The following FOXP1 variants were observed in gnomAD, a reference collection of about 807,000 sequenced individuals.
FOXP1 encodes the protein forkhead box P1.
In FOXP1, 15 loss-of-function variants were observed where a neutral mutation model predicts 98.2. That is an observed-to-expected ratio of 0.15 (90% CI 0.10 to 0.24). The LOEUF is 0.24. FOXP1 is among the 10% of genes least tolerant of loss of function. The pLI, the probability that FOXP1 is intolerant of heterozygous loss-of-function variation, is 1.00. For missense variants in FOXP1, 633 were observed against 848.5 expected, an observed-to-expected ratio of 0.75 and a Z score of 3.15; for synonymous variants, 371 against 314.5, an observed-to-expected ratio of 1.18 and a Z score of -1.90.
chr3:71,384,381 GAA>G (rs1186420063), intron 3 of FOXP1, among the ~76,000 whole-genome samples: 1 of 152,172 alleles, frequency 6.6e-6, no homozygotes, highest in African/African-American at 2.4e-5. Context: ...AACTCTGAGA[GAA>G]GAGAGAAAAG....
intron 19 of FOXP1, 90 bp downstream of exon 19, chr3:70,970,646 A>C (rs139128497): frequency 6.5e-6 from 7 of 1,077,446 alleles, no homozygotes; most frequent in African/African-American, 1.6e-5. Flanking sequence ...TTAAAATTTA[A>C]TATCTAATTA....
intron 7 of FOXP1, chr3:71,065,773 A>C (rs2052407077): frequency 6.6e-6 from 1 of 152,248 alleles, no homozygotes; most frequent in South Asian, 2.1e-4. Flanking sequence ...TAAGCACTTT[A>C]GGATGACCTT....
chr3:71,045,990 C>A (rs1161616090), intron 10 of FOXP1, among the ~76,000 whole-genome samples: 1 of 152,188 alleles, frequency 6.6e-6, no homozygotes, highest in Non-Finnish European at 1.5e-5. Context: ...GGAGGCAACT[C>A]AAATCTGCCC....
At chr3:71,579,918 A>G (rs979941199) in intron 2 of FOXP1, among the ~76,000 whole-genome samples, 3 of 152,124 alleles carry the variant, frequency 2.0e-5, no homozygotes, top group Non-Finnish European at 4.4e-5. Flanking sequence ...TCCATAAGGA[A>G]CTCAAATGCT....
intron 6 of FOXP1, among the ~76,000 whole-genome samples, chr3:71,147,085 T>C (rs559507003): frequency 6.6e-6 from 1 of 152,346 alleles, no homozygotes; most frequent in African/African-American, 2.4e-5. Flanking sequence ...ATCTGTGCCC[T>C]ACCTCTAACT....
intron 4 of FOXP1, among the ~76,000 whole-genome samples, chr3:71,318,052 A>G (rs930229075): frequency 1.8e-4 from 27 of 152,038 alleles, no homozygotes; most frequent in African/African-American, 6.0e-4. Flanking sequence ...TTATACACAC[A>G]CTTTATATAA....
chr3:71,071,806 C>T (rs894529216), intron 7 of FOXP1, among the ~76,000 whole-genome samples: 3 of 152,076 alleles, frequency 2.0e-5, no homozygotes, highest in Non-Finnish European at 4.4e-5. Flanking sequence ...ACTCCCGACA[C>T]CTCAGGTGAT....
At chr3:71,268,646 T>A (rs190061828) in intron 5 of FOXP1, among the ~76,000 whole-genome samples, 1 of 152,180 alleles carries the variant, frequency 6.6e-6, no homozygotes. Context: ...AAATGAGAGA[T>A]GTAATCTTAC....
rs2032397354 is a variant in FOXP1, at chr3:70,958,500, A to C, written c.*747T>G. 1 of 384,118 alleles carries C rather than the reference A, an allele frequency of 2.6e-6. No homozygotes were observed. The highest frequency in any genetic ancestry group is 2.0e-5 in the African/African-American group (1 of 49,526). 23.8% of individuals were successfully genotyped at this position (384,118 alleles called of 1,614,324 possible). ...AGTGACAGAAAGCTACAAACGAGAAATGACATTCAGCTTTGTATAATAAAA... is the reference window on the plus strand; with the variant it reads ...AGTGACAGAAAGCTACAAACGAGAACTGACATTCAGCTTTGTATAATAAAA... On this transcript the variant is annotated 3_prime_UTR_variant, in exon 21 of 21. Coordinates refer to ENST00000649528, the MANE Select transcript of FOXP1 (RefSeq NM_001349338.3).
chr3:71,532,510 G>A (rs528578154), intron 2 of FOXP1, among the ~76,000 whole-genome samples: 3 of 152,162 alleles, frequency 2.0e-5, no homozygotes, highest in Non-Finnish European at 4.4e-5. Flanking sequence ...CAAAACTGTT[G>A]GCAAGACAGG....
intron 10 of FOXP1, 113 bp from the exon 11 acceptor site, chr3:71,041,645 G>A (rs1293694703): frequency 1.2e-5 from 12 of 1,031,082 alleles, no homozygotes; most frequent in Admixed American, 2.0e-5. Flanking sequence ...GGGGTTTTTC[G>A]GTGTGTGCAG....
chr3:71,044,102 T>G (rs186655715), intron 10 of FOXP1, among the ~76,000 whole-genome samples: 2 of 152,212 alleles, frequency 1.3e-5, no homozygotes, highest in African/African-American at 4.8e-5. Context: ...AAACTGTTAG[T>G]TCAATGAGCG....
chr3:71,226,264 T>C (rs1456133457), intron 5 of FOXP1, among the ~76,000 whole-genome samples: 2 of 152,222 alleles, frequency 1.3e-5, no homozygotes, highest in African/African-American at 2.4e-5. Context: ...GCTTTGGCTC[T>C]TGAGGTCTGA....
At chr3:71,395,558 C>A (rs1284692945) in intron 3 of FOXP1, among the ~76,000 whole-genome samples, 1 of 151,878 alleles carries the variant, frequency 6.6e-6, no homozygotes, top group Non-Finnish European at 1.5e-5. Context: ...CAGGGGCACT[C>A]CTTATTTCAT....
intron 12 of FOXP1, among the ~76,000 whole-genome samples, chr3:71,014,893 A>G (rs1254060301): frequency 6.6e-6 from 1 of 152,114 alleles, no homozygotes; most frequent in Non-Finnish European, 1.5e-5. Flanking sequence ...TCGCAAGGAC[A>G]GAAAACCAAA....
At chr3:71,096,468 T>C (rs1575661163) in intron 7 of FOXP1, among the ~76,000 whole-genome samples, 1 of 152,282 alleles carries the variant, frequency 6.6e-6, no homozygotes, top group East Asian at 1.9e-4. Flanking sequence ...TGAAAACCAC[T>C]GACTAGTCAT....
chr3:70,975,103 G>A (rs1253166858), intron 17 of FOXP1, among the ~76,000 whole-genome samples: 1 of 152,170 alleles, frequency 6.6e-6, no homozygotes, highest in Non-Finnish European at 1.5e-5. Context: ...ATCTAAGGCT[G>A]TTTATATTAA....
chr3:71,446,069 GTGA>G (rs2086400166), intron 3 of FOXP1, among the ~76,000 whole-genome samples: 1 of 120,244 alleles, frequency 8.3e-6, no homozygotes, highest in Non-Finnish European at 1.9e-5. Flanking sequence ...GAGTGAGTGA[GTGA>G]GTGAGTGAGT....
At chr3:71,277,755 C>T (rs2071066318) in intron 5 of FOXP1, among the ~76,000 whole-genome samples, 1 of 147,694 alleles carries the variant, frequency 6.8e-6, no homozygotes, top group African/African-American at 2.5e-5. Flanking sequence ...AACTGTTTAC[C>T]TTCATAGAGG....
Sources: allele counts gnomAD v4.1 joint callset (sites outside exome capture counted in the v4.1 genomes callset), GRCh38; gene constraint gnomAD v4.1.1; transcripts MANE v1.5; gene names NCBI Gene and HGNC (gene_info 2026-07-23, HGNC 2026-07-21).